The following CDH18 variants were observed in gnomAD, a reference collection of about 807,000 sequenced individuals.
The protein encoded by CDH18 is cadherin 18, also known as cadherin-18.
Under a neutral mutation model 67.9 loss-of-function variants are expected in CDH18, and 31 were observed. The observed-to-expected ratio is 0.46, with a 90% confidence interval of 0.34 to 0.62. The LOEUF (loss-of-function observed/expected upper bound fraction) is 0.62. Ranked by LOEUF, CDH18 falls within the 20% of genes least tolerant of loss-of-function variation. The pLI is 0.01. For missense variants in CDH18, 890 were observed against 975.5 expected (o/e 0.91, Z 1.17); for synonymous variants, 362 against 347.2 (o/e 1.04, Z -0.48).
chr5:20,528,073 C>G (rs903497006), intron 1 of CDH18, among the ~76,000 whole-genome samples: 1 of 151,842 alleles, frequency 6.6e-6, no homozygotes, highest in African/African-American at 2.4e-5. Flanking sequence ...GAAAATTTAC[C>G]AAGCAAATGA....
At chr5:20,563,020 C>G (rs1758308393) in intron 1 of CDH18, among the ~76,000 whole-genome samples, 1 of 149,432 alleles carries the variant, frequency 6.7e-6, no homozygotes, top group African/African-American at 2.5e-5. Flanking sequence ...GGTGACCTAA[C>G]TAATCTAGAT....
At chr5:20,452,335 A>G (rs563577612) in intron 1 of CDH18, among the ~76,000 whole-genome samples, 178 of 152,280 alleles carry the variant, frequency 1.2e-3, no homozygotes, top group African/African-American at 4.0e-3. Flanking sequence ...CACTCATTAG[A>G]TGAGATGAGA....
intron 1 of CDH18, among the ~76,000 whole-genome samples, chr5:20,541,889 T>G (rs1275892730): frequency 6.6e-6 from 1 of 152,206 alleles, no homozygotes; most frequent in African/African-American, 2.4e-5. Context: ...GGTTAAACAT[T>G]CATTAGCTTT....
At chr5:20,046,901 G>A (rs1561745536) in intron 2 of CDH18, among the ~76,000 whole-genome samples, 1 of 151,792 alleles carries the variant, frequency 6.6e-6, no homozygotes, top group Non-Finnish European at 1.5e-5. Flanking sequence ...TCTCTTTCAA[G>A]AAATTTTGCC....
At chr5:19,652,528 T>G (rs1386515946) in intron 5 of CDH18, among the ~76,000 whole-genome samples, 1 of 152,004 alleles carries the variant, frequency 6.6e-6, no homozygotes, top group Non-Finnish European at 1.5e-5. Flanking sequence ...AGAGTTTTTT[T>G]TAAAAAAAAG....
intron 4 of CDH18, among the ~76,000 whole-genome samples, chr5:19,722,125 C>A (rs1028469070): frequency 6.6e-6 from 1 of 152,128 alleles, no homozygotes; most frequent in Non-Finnish European, 1.5e-5. Context: ...GCGATCTTGG[C>A]TCACTGCAAC....
intron 2 of CDH18, among the ~76,000 whole-genome samples, chr5:19,851,284 T>C (rs1783655642): frequency 6.6e-6 from 1 of 151,648 alleles, no homozygotes. Flanking sequence ...CTTAAAAGTA[T>C]ATTCTCTAGG....
At chr5:20,473,179 G>A (rs572464175) in intron 1 of CDH18, among the ~76,000 whole-genome samples, 3 of 152,042 alleles carry the variant, frequency 2.0e-5, no homozygotes, top group African/African-American at 7.2e-5. Context: ...TGCTGTTAAT[G>A]TTTTGTTCTA....
intron 6 of CDH18, among the ~76,000 whole-genome samples, chr5:19,610,732 T>C (rs1388848795): frequency 6.6e-6 from 1 of 152,120 alleles, no homozygotes; most frequent in Non-Finnish European, 1.5e-5. Context: ...TCAACTTCAA[T>C]TGTACCAATC....
At chr5:19,503,934 G>A (rs141450514) in intron 10 of CDH18, among the ~76,000 whole-genome samples, 1,926 of 151,768 alleles carry the variant, frequency 0.013, 17 homozygotes, top group Admixed American at 0.021. Flanking sequence ...TTAGAAAAAC[G>A]AGAAACAAAG....
At chr5:20,312,239 G>A (rs575789724) in intron 1 of CDH18, among the ~76,000 whole-genome samples, 129 of 152,278 alleles carry the variant, frequency 8.5e-4, no homozygotes, top group Non-Finnish European at 1.5e-3. Flanking sequence ...AATCGGCCAT[G>A]AAAACTGTAA....
intron 5 of CDH18, among the ~76,000 whole-genome samples, chr5:19,657,341 G>A (rs1580729713): frequency 6.6e-6 from 1 of 151,950 alleles, no homozygotes; most frequent in African/African-American, 2.4e-5. Context: ...AAATATAAAA[G>A]TTTTTCAGTA....
intron 2 of CDH18, among the ~76,000 whole-genome samples, chr5:20,159,390 G>A (rs1751802783): frequency 6.6e-6 from 1 of 152,134 alleles, no homozygotes; most frequent in African/African-American, 2.4e-5. Flanking sequence ...AGGAATCTGG[G>A]ATGAAAATCT....
chr5:20,002,499 A>C (rs2150402514), intron 2 of CDH18, among the ~76,000 whole-genome samples: 1 of 152,286 alleles, frequency 6.6e-6, no homozygotes, highest in South Asian at 2.1e-4. Flanking sequence ...GCAGGCAATA[A>C]CTTATGTAAT....
chr5:20,376,707 G>A (rs1169251050), intron 1 of CDH18, among the ~76,000 whole-genome samples: 1 of 152,000 alleles, frequency 6.6e-6, no homozygotes, highest in Non-Finnish European at 1.5e-5. Flanking sequence ...CAAATCATTG[G>A]CATTATTATG....
chr5:19,540,199 T>A (rs1750035043), intron 9 of CDH18, among the ~76,000 whole-genome samples: 1 of 151,936 alleles, frequency 6.6e-6, no homozygotes, highest in African/African-American at 2.4e-5. Context: ...AGCAGGGCAG[T>A]CAAATCTTAA....
chr5:20,345,591 G>T (rs140630731), intron 1 of CDH18, among the ~76,000 whole-genome samples: 114 of 151,926 alleles, frequency 7.5e-4, no homozygotes, highest in African/African-American at 2.6e-3. Context: ...ATTATGAATG[G>T]CTTTTTTATA....
chr5:19,798,230 G>A (rs1231766716), intron 3 of CDH18, among the ~76,000 whole-genome samples: 5 of 151,984 alleles, frequency 3.3e-5, no homozygotes, highest in Non-Finnish European at 7.4e-5. Flanking sequence ...GAATAAGGTT[G>A]TTGGATTTTT....
chr5:19,576,615 G>A (rs1414154267), intron 7 of CDH18, among the ~76,000 whole-genome samples: 4 of 152,264 alleles, frequency 2.6e-5, no homozygotes, highest in African/African-American at 9.6e-5. Flanking sequence ...CAAGGATGTG[G>A]AGAAAAGGAA....
Sources: allele counts gnomAD v4.1 joint callset (sites outside exome capture counted in the v4.1 genomes callset), GRCh38; gene constraint gnomAD v4.1.1; transcripts MANE v1.5; gene names NCBI Gene and HGNC (gene_info 2026-07-23, HGNC 2026-07-21).